Variants in CABLES1 observed in about 807,000 individuals in gnomAD.
CABLES1 encodes Cdk5 and Abl enzyme substrate 1, also known as CDK5 and ABL1 enzyme substrate 1.
Under a neutral mutation model 57.8 loss-of-function variants are expected in CABLES1, and 36 were observed. The ratio of observed to expected loss-of-function variants is 0.62; its 90% CI spans 0.48 to 0.82. The LOEUF is 0.82. CABLES1 is among the 40% of genes least tolerant of loss of function. The probability of loss-of-function intolerance (pLI) is 0.00; values close to 1 mark genes in which losing one functional copy is unlikely to be tolerated. For synonymous variants in CABLES1, 374 were observed against 363.0 expected, an observed-to-expected ratio of 1.03 and a Z score of -0.35; for missense variants, 767 against 836.6, an observed-to-expected ratio of 0.92 and a Z score of 1.03.
Position 23,135,978 on chromosome 18 carries a change from C to A in CABLES1, c.216C>A (p.Ile72=). The A allele has an allele frequency of 8.8e-7, 1 of 1,139,570 alleles. No individual in the cohort carries two copies. Among genetic ancestry groups the A allele is most frequent in the East Asian group, 4.7e-5 (1 of 21,422 alleles). The allele number at this position is 1,139,570 out of a possible 1,614,324, so 70.6% of individuals were successfully genotyped here. Residue 72 remains isoleucine, a synonymous_variant, in exon 1 of 10, where the codon ATC becomes ATA. Transcript: ENST00000256925. The stretch of plus-strand genomic sequence containing the variant: ...CTGCCCTCTCCTTCCTCACCAACAT[C>A]TCGCTGGACGGCCGGCTGCCGCCGC... ...RQAALSFLTN[I]SLDGRLPPQD...
chr18:23,138,549 G>C (rs1309349483), intron 1 of CABLES1, among the ~76,000 whole-genome samples: 1 of 152,216 alleles, frequency 6.6e-6, no homozygotes. Flanking sequence ...AAGAAAGGCG[G>C]AAAGGCTAGC....
chr18:23,237,201 C>A lies in CABLES1; in HGVS notation c.1402C>A (p.Pro468Thr). The A allele has an allele frequency of 1.9e-6, 3 of 1,613,862 alleles. No homozygotes were observed. The highest frequency in any genetic ancestry group is 2.5e-6 in the Non-Finnish European group (3 of 1,179,712). ...AAATCTCTTGGATGACCCCCAGTGGCCTTGTGGCAAACACAAACGCGTTCT... is the reference window on the plus strand; with the variant it reads ...AAATCTCTTGGATGACCCCCAGTGGACTTGTGGCAAACACAAACGCGTTCT... ...DPNLLDDPQW[P>T]CGKHKRVLIF... The change falls in exon 7 of 10, where the codon CCT becomes ACT. Residue 468 changes from proline (P) to threonine (T), a missense_variant. Around this residue, in one of 4 missense-constraint regions of CABLES1, gnomAD observed 529 missense variants for 622.8 expected, o/e 0.85. Transcript: ENST00000256925.
chr18:23,167,123 C>T (rs1377460923), intron 1 of CABLES1, among the ~76,000 whole-genome samples: 1 of 152,150 alleles, frequency 6.6e-6, no homozygotes, highest in Non-Finnish European at 1.5e-5. Context: ...TCATCATCAG[C>T]GGAAATTATT....
intron 1 of CABLES1, among the ~76,000 whole-genome samples, chr18:23,141,794 A>G (rs183736065): frequency 1.3e-5 from 2 of 152,260 alleles, no homozygotes; most frequent in Non-Finnish European, 1.5e-5. Flanking sequence ...TGGGTGGGGA[A>G]GCCATCACAT....
intron 1 of CABLES1, among the ~76,000 whole-genome samples, chr18:23,177,417 G>A (rs1046770006): frequency 1.1e-5 from 1 of 89,538 alleles, no homozygotes; most frequent in Non-Finnish European, 2.1e-5. Context: ...GAGCACATGT[G>A]TACACACACA....
intron 4 of CABLES1, among the ~76,000 whole-genome samples, chr18:23,233,662 A>G (rs2047582193): frequency 6.6e-6 from 1 of 152,204 alleles, no homozygotes; most frequent in South Asian, 2.1e-4. Context: ...ACAGTGAGCC[A>G]TGATCACACC....
At chr18:23,251,578 A>G (rs1310599410) in intron 7 of CABLES1, among the ~76,000 whole-genome samples, 1 of 152,246 alleles carries the variant, frequency 6.6e-6, no homozygotes, top group East Asian at 1.9e-4. Flanking sequence ...TTCAGAGTTC[A>G]CAGTGCAGGG....
rs138753937 is a variant in CABLES1, at chr18:23,216,305, G to T, written c.1088+2251G>T. Reference sequence around the variant, plus strand: ...AATCTCAAACATCAACTTTGGGCCAGAATGGGGGTTTAATCCCCAGTCTGT... The same window carrying T: ...AATCTCAAACATCAACTTTGGGCCATAATGGGGGTTTAATCCCCAGTCTGT... On this transcript the variant is annotated intron_variant, in intron 4 of 9. Coordinates refer to ENST00000256925, the MANE Select transcript of CABLES1 (RefSeq NM_001100619.3). Among the ~76,000 whole-genome samples the T allele has an allele frequency of 4.8e-3, 725 of 152,280 alleles. 7 individuals carry two copies. Among genetic ancestry groups the T allele is most frequent in the African/African-American group, 0.017 (702 of 41,554 alleles).
chr18:23,167,555 G>C (rs1217680478), intron 1 of CABLES1, among the ~76,000 whole-genome samples: 1 of 152,138 alleles, frequency 6.6e-6, no homozygotes, highest in African/African-American at 2.4e-5. Context: ...GGGATTGGGG[G>C]GAGTACCTTG....
At chr18:23,251,296 C>G (rs993589840) in intron 7 of CABLES1, among the ~76,000 whole-genome samples, 1 of 152,032 alleles carries the variant, frequency 6.6e-6, no homozygotes, top group Non-Finnish European at 1.5e-5. Flanking sequence ...ACTAAAAATA[C>G]AAAAATTAGC....
intron 3 of CABLES1, among the ~76,000 whole-genome samples, chr18:23,198,454 C>T (rs1238659305): frequency 6.6e-6 from 1 of 152,096 alleles, no homozygotes; most frequent in Non-Finnish European, 1.5e-5. Context: ...TAGTGGCAGG[C>T]AGAGTAATGG....
At chr18:23,214,270 C>A in intron 4 of CABLES1, 1 of 475,242 alleles carries the variant, frequency 2.1e-6, no homozygotes, top group African/African-American at 2.0e-5. Context: ...ATCCTATTGC[C>A]TGTTCTTTCT....
Position 23,148,325 on chromosome 18 carries a change from C to T in CABLES1, c.845+11718C>T, listed in dbSNP as rs113581803. 1.2e-4 allele frequency among the ~76,000 whole-genome samples: 18 copies of T among 152,178 alleles called. No homozygotes were observed. In the East Asian group the frequency reaches 1.7e-3, roughly 15 times the overall value. On this transcript the variant is annotated intron_variant, in intron 1 of 9. Coordinates refer to ENST00000256925, the MANE Select transcript of CABLES1 (RefSeq NM_001100619.3). Reference sequence around the variant, plus strand: ...CATTTCTAAGCAGGATACCCTCTCCCGTGTGAGGGCTCCTCAGGGTCTGTG... The same window carrying T: ...CATTTCTAAGCAGGATACCCTCTCCTGTGTGAGGGCTCCTCAGGGTCTGTG...
intron 1 of CABLES1, chr18:23,150,066 T>A (rs895718656): frequency 2.4e-4 from 36 of 152,312 alleles, no homozygotes; most frequent in African/African-American, 8.2e-4. Context: ...CTGTCTCTGG[T>A]GAACTTCTAG....
At chr18:23,213,938 T>G (rs964196029) in intron 3 of CABLES1, 39 bp from the exon 4 acceptor site, 19 of 1,359,146 alleles carry the variant, frequency 1.4e-5, no homozygotes, top group Non-Finnish European at 1.6e-5. Context: ...TTCTTTGCAT[T>G]TAGTGTGTTT....
intron 4 of CABLES1, among the ~76,000 whole-genome samples, chr18:23,223,840 T>C (rs1490965933): frequency 4.6e-5 from 7 of 152,092 alleles, no homozygotes; most frequent in Non-Finnish European, 1.0e-4. Context: ...CTTACTGGCA[T>C]GCATTGAATA....
intron 4 of CABLES1, among the ~76,000 whole-genome samples, chr18:23,226,464 C>G (rs1441680050): frequency 6.6e-6 from 1 of 151,648 alleles, no homozygotes; most frequent in Non-Finnish European, 1.5e-5. Context: ...AGGAGAGACT[C>G]AACTTCCTCC....
At chr18:23,188,543 T>TTGTGTGTGTGTGTG (rs55888102) in intron 1 of CABLES1, among the ~76,000 whole-genome samples, 1,547 of 149,036 alleles carry the variant, frequency 0.01, 22 homozygotes, top group African/African-American at 0.032. Flanking sequence ...CACCTTGTCT[T>TTGTGTGTGTGTGTG]TGTGTGTGTG....
chr18:23,182,252 G>A (rs1416138339), intron 1 of CABLES1, among the ~76,000 whole-genome samples: 4 of 152,102 alleles, frequency 2.6e-5, no homozygotes, highest in South Asian at 4.1e-4. Flanking sequence ...GGTCTTTTGC[G>A]GGCCTCAGTG....
Sources: gnomAD v4.1 joint callset for allele counts (sites outside exome capture counted in the v4.1 genomes callset) on GRCh38, gnomAD v4.1.1 for gene constraint, gnomAD v4.1.1 regional missense constraint, MANE v1.5 for transcripts, NCBI Gene and HGNC (gene_info 2026-07-23, HGNC 2026-07-21) for gene names.